Variants in KLHL29 observed in about 807,000 individuals in gnomAD.
KLHL29 encodes the protein kelch like family member 29.
KLHL29 carries 21 observed loss-of-function variants against 80.4 expected under a neutral mutation model. The observed-to-expected ratio is 0.26, with a 90% CI of 0.19 to 0.38. KLHL29 has a LOEUF of 0.38. Ranked by LOEUF, KLHL29 falls within the 10% of genes least tolerant of loss-of-function variation. KLHL29 has a pLI of 1.00. For missense variants in KLHL29, 867 were observed against 1,223.9 expected, an observed-to-expected ratio of 0.71 and a Z score of 4.35; for synonymous variants, 511 against 526.8, an observed-to-expected ratio of 0.97 and a Z score of 0.41.
chr2:23,678,867 T>A (rs1178098198), intron 5 of KLHL29, among the ~76,000 whole-genome samples: 1 of 152,008 alleles, frequency 6.6e-6, no homozygotes, highest in Non-Finnish European at 1.5e-5. Flanking sequence ...GTCAAACTCA[T>A]AGAGACAGAA....
intron 3 of KLHL29, among the ~76,000 whole-genome samples, chr2:23,610,223 C>T (rs1392307322): frequency 6.6e-6 from 1 of 152,148 alleles, no homozygotes. Flanking sequence ...GTCTGTTGGG[C>T]CCATGGCCAG....
Position 23,596,377 on chromosome 2 carries a change from C to T in KLHL29, c.285+33896C>T, listed in dbSNP as rs543760644. Among the ~76,000 whole-genome samples the T allele has an allele frequency of 1.3e-5, 2 of 152,144 alleles. No homozygotes were observed. Among genetic ancestry groups the T allele is most frequent in the South Asian group, 2.1e-4 (1 of 4,802 alleles). The stretch of plus-strand genomic sequence containing the variant: ...ACACGCCCCTATGAGTCTCTGTCTC[C>T]GAGCAGAGGTCTTGGTGTCCTGGTG... On this transcript the variant is annotated intron_variant, in intron 3 of 13. Coordinates refer to ENST00000486442, the MANE Select transcript of KLHL29 (RefSeq NM_052920.2). This position sits in a 1 kb window ranked among gnomAD's most constrained non-coding sequence, Gnocchi z 4.4.
At chr2:23,468,322 G>A (rs770464897) in intron 1 of KLHL29, among the ~76,000 whole-genome samples, 2 of 152,140 alleles carry the variant, frequency 1.3e-5, no homozygotes, top group Non-Finnish European at 2.9e-5. Context: ...AGACTAGGAT[G>A]GAAACCCAAA....
At chr2:23,406,831 G>A (rs780861970) in intron 1 of KLHL29, among the ~76,000 whole-genome samples, 4 of 152,084 alleles carry the variant, frequency 2.6e-5, no homozygotes, top group Non-Finnish European at 5.9e-5. Flanking sequence ...ACCAAGGTTT[G>A]ATCTCTTTAA....
At position 23,596,382 on chromosome 2, in the gene KLHL29, A is replaced by T. The variant is rs996114315; in HGVS notation, c.285+33901A>T. 7.9e-5 allele frequency among the ~76,000 whole-genome samples: 12 copies of T among 152,182 alleles called. No individual in the cohort carries two copies. The highest frequency in any genetic ancestry group is 2.9e-4 in the African/African-American group (12 of 41,448). ...CCCCTATGAGTCTCTGTCTCCGAGC[A>T]GAGGTCTTGGTGTCCTGGTGGCTGC... On this transcript the variant is annotated intron_variant, in intron 3 of 13. Coordinates refer to ENST00000486442, the MANE Select transcript of KLHL29 (RefSeq NM_052920.2). The surrounding 1 kb of genome is among the most constrained non-coding windows in gnomAD (Gnocchi z 4.4).
intron 2 of KLHL29, among the ~76,000 whole-genome samples, chr2:23,486,429 T>C (rs1202708286): frequency 6.6e-6 from 1 of 151,816 alleles, no homozygotes; most frequent in Non-Finnish European, 1.5e-5. Flanking sequence ...TTGGATCTTG[T>C]TGTTTTTATC....
intron 3 of KLHL29, among the ~76,000 whole-genome samples, chr2:23,579,573 T>A (rs559355432): frequency 3.9e-5 from 6 of 152,026 alleles, no homozygotes; most frequent in Non-Finnish European, 7.4e-5. Context: ...ATTTCTGGAG[T>A]CTACCCTTTT....
intron 6 of KLHL29, chr2:23,689,529 C>CATG (rs2149200559): frequency 6.6e-6 from 1 of 152,500 alleles, no homozygotes; most frequent in Admixed American, 6.5e-5. Context: ...TGTGCATGTG[C>CATG]TCGCACATCC....
At chr2:23,643,571 G>C (rs1669837178) in intron 5 of KLHL29, 1 of 158,098 alleles carries the variant, frequency 6.3e-6, no homozygotes, top group Non-Finnish European at 1.4e-5. Flanking sequence ...CATGGTCCTA[G>C]TTGGAGCCCC....
intron 1 of KLHL29, among the ~76,000 whole-genome samples, chr2:23,416,759 T>C (rs1261365759): frequency 6.6e-6 from 1 of 152,218 alleles, no homozygotes; most frequent in Non-Finnish European, 1.5e-5. Flanking sequence ...GTTCCCTTTT[T>C]CTGCCCCTCC....
chr2:23,544,361 G>A (rs1666928832), intron 2 of KLHL29, among the ~76,000 whole-genome samples: 2 of 152,330 alleles, frequency 1.3e-5, no homozygotes, highest in Admixed American at 1.3e-4. Flanking sequence ...TGCGCTGCCT[G>A]GGCGTGAATC....
intron 2 of KLHL29, among the ~76,000 whole-genome samples, chr2:23,508,648 C>T (rs140432526): frequency 9.8e-5 from 15 of 152,338 alleles, no homozygotes; most frequent in Non-Finnish European, 2.1e-4. Flanking sequence ...ATATCTCAGC[C>T]GCGGGATCCC....
At chr2:23,434,513 G>T (rs868604893) in intron 1 of KLHL29, among the ~76,000 whole-genome samples, 1 of 152,122 alleles carries the variant, frequency 6.6e-6, no homozygotes, top group Non-Finnish European at 1.5e-5. Context: ...GAGGCAGTCA[G>T]TCAATTACAG....
At chr2:23,552,761 CTT>C (rs60558023) in intron 2 of KLHL29, among the ~76,000 whole-genome samples, 9 of 95,526 alleles carry the variant, frequency 9.4e-5, no homozygotes, top group Admixed American at 4.0e-4. Context: ...GGTTTCTTTT[CTT>C]TTTTTTTTTT....
chr2:23,638,658 G>A (rs1040456871), intron 3 of KLHL29, among the ~76,000 whole-genome samples: 1 of 152,172 alleles, frequency 6.6e-6, no homozygotes, highest in Non-Finnish European at 1.5e-5. Context: ...TCTGCTGGTG[G>A]CCCCTTGGAA....
chr2:23,465,947 G>A (rs999498354), intron 1 of KLHL29, among the ~76,000 whole-genome samples: 8 of 151,926 alleles, frequency 5.3e-5, no homozygotes, highest in South Asian at 4.2e-4. Flanking sequence ...TGCCAATCCC[G>A]CCACCTTCCC....
At chr2:23,481,684 G>A (rs1664801043) in intron 2 of KLHL29, among the ~76,000 whole-genome samples, 1 of 152,222 alleles carries the variant, frequency 6.6e-6, no homozygotes, top group Admixed American at 6.5e-5. Flanking sequence ...GAGAGGCCGA[G>A]GCAGGCAGAT....
intron 1 of KLHL29, among the ~76,000 whole-genome samples, chr2:23,447,835 T>TG (rs1558341845): frequency 6.6e-6 from 1 of 152,218 alleles, no homozygotes; most frequent in Admixed American, 6.5e-5. Flanking sequence ...TGTGGAAATA[T>TG]GACTGTGTCT....
chr2:23,575,349 G>A (rs369582800), intron 3 of KLHL29, among the ~76,000 whole-genome samples: 2 of 152,194 alleles, frequency 1.3e-5, no homozygotes, highest in Admixed American at 1.3e-4. Context: ...AGAAATATGC[G>A]CCTGGCACAA....
Sources: allele counts gnomAD v4.1 joint callset (sites outside exome capture counted in the v4.1 genomes callset), GRCh38; gene constraint gnomAD v4.1.1; non-coding constraint Gnocchi (gnomAD v3.1); transcripts MANE v1.5; gene names NCBI Gene and HGNC (gene_info 2026-07-23, HGNC 2026-07-21).